C2orf42: variants seen among roughly 807,000 people sequenced by gnomAD.
The protein encoded by C2orf42 is uncharacterized protein C2orf42.
A neutral mutation model predicts 58.9 loss-of-function variants in C2orf42; 44 were observed. The observed-to-expected ratio is 0.75, with a 90% CI of 0.59 to 0.96. The LOEUF (loss-of-function observed/expected upper bound fraction) is 0.96. Among genes scored for constraint, C2orf42 ranks in the 40% least tolerant of loss-of-function variants. The probability of loss-of-function intolerance (pLI) is 0.00; values close to 1 mark genes in which losing one functional copy is unlikely to be tolerated. For missense variants in C2orf42, 630 were observed against 699.2 expected, an observed-to-expected ratio of 0.90 and a Z score of 1.12; for synonymous variants, 239 against 265.4, an observed-to-expected ratio of 0.90 and a Z score of 0.97.
In C2orf42 at chr2:70,153,917, G is replaced by T. The variant is rs1285204659; in HGVS notation, c.1517-3353C>A. Among the ~76,000 whole-genome samples the T allele has an allele frequency of 2.6e-5, 4 of 151,480 alleles. No homozygotes were observed. The East Asian group carries it at 8.0e-4, about 30-fold the overall frequency. The stretch of plus-strand genomic sequence containing the variant: ...TACTAAAAATACAAAAATTAGCTGG[G>T]CGTGGTGGCGGGCTAATCCCAGCTA... On this transcript the variant is annotated intron_variant, in intron 9 of 9. Transcript: ENST00000264434.
intron 4 of C2orf42, 136 bp from the exon 5 acceptor site, chr2:70,175,913 C>CATT: frequency 1.6e-6 from 1 of 640,290 alleles, no homozygotes; most frequent in Non-Finnish European, 2.8e-6. Context: ...TAGGAGTTAG[C>CATT]ATTAGTCTTT....
intron 6 of C2orf42, among the ~76,000 whole-genome samples, chr2:70,165,948 T>C (rs1673371118): frequency 6.6e-6 from 1 of 151,674 alleles, no homozygotes; most frequent in African/African-American, 2.4e-5. Flanking sequence ...TGGAGTGCAA[T>C]GGCATGATCT....
At chr2:70,171,076 C>G (rs909635851) in intron 5 of C2orf42, among the ~76,000 whole-genome samples, 1 of 151,924 alleles carries the variant, frequency 6.6e-6, no homozygotes, top group Admixed American at 6.6e-5. Context: ...GATTGTGCCA[C>G]TGCACTCCAG....
intron 1 of C2orf42, among the ~76,000 whole-genome samples, chr2:70,190,001 T>C (rs972434210): frequency 6.6e-6 from 1 of 151,674 alleles, no homozygotes; most frequent in Admixed American, 6.6e-5. Context: ...ACACATACAA[T>C]GTCTATTGCA....
intron 3 of C2orf42, among the ~76,000 whole-genome samples, chr2:70,180,025 C>T (rs138217220): frequency 0.025 from 3,807 of 152,268 alleles, 352 homozygotes; most frequent in Admixed American, 0.17. Flanking sequence ...GGTGCGGTGG[C>T]TCACGTCTGT....
chr2:70,187,457 T>C (rs915688252), intron 1 of C2orf42, among the ~76,000 whole-genome samples: 2 of 151,946 alleles, frequency 1.3e-5, no homozygotes, highest in Non-Finnish European at 2.9e-5. Context: ...TTCACCATGT[T>C]GGCCAGGCTG....
chr2:70,168,076 T>C (rs1673526274), intron 6 of C2orf42, among the ~76,000 whole-genome samples: 1 of 151,426 alleles, frequency 6.6e-6, no homozygotes, highest in Non-Finnish European at 1.5e-5. Flanking sequence ...CTACTAAAAA[T>C]ACAAAAAATT....
intron 3 of C2orf42, among the ~76,000 whole-genome samples, chr2:70,179,917 C>T (rs189103322): frequency 1.7e-3 from 251 of 151,490 alleles, no homozygotes; most frequent in African/African-American, 5.4e-3. Context: ...CCAGCCTGGG[C>T]GACAGAGGCA....
At chr2:70,184,318 C>A (rs1323346230) in intron 1 of C2orf42, among the ~76,000 whole-genome samples, 1 of 151,976 alleles carries the variant, frequency 6.6e-6, no homozygotes, top group East Asian at 1.9e-4. Flanking sequence ...CCTCCGCCTC[C>A]CGGGCTCAAG....
chr2:70,174,050 G>A (rs1039532695), intron 5 of C2orf42, among the ~76,000 whole-genome samples: 1 of 152,136 alleles, frequency 6.6e-6, no homozygotes, highest in African/African-American at 2.4e-5. Flanking sequence ...GCTCACACCT[G>A]TAATCTCAGT....
chr2:70,150,413 C>T lies in C2orf42; in HGVS notation c.1668G>A (p.Arg556=). ...GTTCCAAGGGCTGGTCCAAGGGGGGCCGCTGGTCTTGGTACTCCGCCACAT... is the reference window on the plus strand; with the variant it reads ...GTTCCAAGGGCTGGTCCAAGGGGGGTCGCTGGTCTTGGTACTCCGCCACAT... The part of the protein sequence containing the change: ...NGHVAEYQDQ[R]PPLDQPLELA... Residue 556 remains arginine (R), a synonymous_variant, in exon 10 of 10, where the codon CGG becomes CGA. Transcript: ENST00000264434. 1 of 1,614,100 alleles carries T rather than the reference C, an allele frequency of 6.2e-7. No individual in the cohort carries two copies.
Position 70,181,328 on chromosome 2 carries a change from G to A in C2orf42, c.658C>T (p.Arg220Cys), listed in dbSNP as rs781199379. The A allele has an allele frequency of 1.9e-5, 31 of 1,613,964 alleles. No individual in the cohort carries two copies. Among genetic ancestry groups the A allele is most frequent in the Non-Finnish European group, 2.5e-5 (29 of 1,179,938 alleles). ...GTCTGACAGGAGCAGAAGAAGCGGCGCTCAGGCAAGCTTTTGCCACTGACT... is the reference window on the plus strand; with the variant it reads ...GTCTGACAGGAGCAGAAGAAGCGGCACTCAGGCAAGCTTTTGCCACTGACT... ...QKVSGKSLPE[R>C]RFFCSCQTLK... is the part of the protein sequence containing the mutation. Residue 220 changes from arginine to cysteine, a missense_variant, in exon 3 of 10, where the codon CGC becomes TGC. By Grantham distance (180) the Arg-to-Cys change is radical. Coordinates refer to ENST00000264434, the MANE Select transcript of C2orf42 (RefSeq NM_017880.3).
chr2:70,184,766 C>A (rs1674816239), intron 1 of C2orf42, among the ~76,000 whole-genome samples: 1 of 151,678 alleles, frequency 6.6e-6, no homozygotes, highest in Admixed American at 6.6e-5. Flanking sequence ...CAGGTGTGAG[C>A]CACCATGCCC....
Position 70,181,552 on chromosome 2 carries a change from T to G in C2orf42, c.434A>C (p.Glu145Ala). 6.2e-7 allele frequency: 1 copy of G among 1,613,950 alleles called. No homozygotes were observed. Among genetic ancestry groups the G allele is most frequent in the Non-Finnish European group, 8.5e-7 (1 of 1,180,018 alleles). Reference protein sequence around the residue: ...HIKLAVNCQAEATPLTLKSSV... With the variant: ...HIKLAVNCQAAATPLTLKSSV... Reference sequence around the variant, plus strand: ...GCTCTTCAGGGTCAGAGGGGTGGCCTCTGCCTGGCAGTTCACCGCCAGCTT... The same window carrying G: ...GCTCTTCAGGGTCAGAGGGGTGGCCGCTGCCTGGCAGTTCACCGCCAGCTT... The change falls in exon 3 of 10, where the codon GAG becomes GCG. Residue 145 changes from glutamate to alanine, a missense_variant. Coordinates refer to ENST00000264434, the MANE Select transcript of C2orf42 (RefSeq NM_017880.3).
At position 70,181,501 on chromosome 2, in the gene C2orf42, G is replaced by T; in HGVS notation, c.485C>A (p.Ser162Tyr). 1.2e-6 allele frequency: 2 copies of T among 1,613,540 alleles called. No homozygotes were observed. Among genetic ancestry groups the T allele is most frequent in the Non-Finnish European group, 1.7e-6 (2 of 1,180,008 alleles). ...CCAGATGGTCTGTTTGGTTTCCGGG[G>T]AGGCCTGCATTGCATTCAGGACCGA... Reference protein sequence around the residue: ...KSSVLNAMQASPETKQTIWQL... With the variant: ...KSSVLNAMQAYPETKQTIWQL... Residue 162 changes from serine to tyrosine, a missense_variant, in exon 3 of 10, where the codon TCC becomes TAC. Ser to Tyr is a moderately radical substitution (Grantham distance 144). Coordinates refer to ENST00000264434, the MANE Select transcript of C2orf42 (RefSeq NM_017880.3).
intron 9 of C2orf42, among the ~76,000 whole-genome samples, chr2:70,154,894 CACAG>C: frequency 6.6e-6 from 1 of 151,996 alleles, no homozygotes; most frequent in African/African-American, 2.4e-5. Flanking sequence ...TAGCTGGGAC[CACAG>C]GCATGTACCA....
At chr2:70,163,538 C>T (rs1326534119) in intron 8 of C2orf42, among the ~76,000 whole-genome samples, 1 of 152,064 alleles carries the variant, frequency 6.6e-6, no homozygotes, top group South Asian at 2.1e-4. Flanking sequence ...AGCCACCGCA[C>T]CCAGCCCGAA....
At position 70,150,478 on chromosome 2, in the gene C2orf42, G is replaced by A. The variant is rs372937713; in HGVS notation, c.1603C>T (p.Leu535=). The A allele has an allele frequency of 1.7e-5, 28 of 1,613,898 alleles. No individual in the cohort carries two copies. In the African/African-American group the frequency reaches 3.5e-4, roughly 20 times the overall value. ...DILPQSKIGE[L]RIKFEYGHHR... ...TGGCCATACTCAAACTTGATCCGCA[G>A]CTCGCCAATCTTAGATTGGGGAAGG... The change falls in exon 10 of 10, where the codon CTG becomes TTG. Residue 535 remains leucine (L), a synonymous_variant. Transcript: ENST00000264434.
intron 1 of C2orf42, among the ~76,000 whole-genome samples, chr2:70,183,167 G>A (rs1674689704): frequency 6.6e-6 from 1 of 152,122 alleles, no homozygotes; most frequent in African/African-American, 2.4e-5. Flanking sequence ...GTCTGGCATG[G>A]TGGCTCACTC....
Sources: gnomAD v4.1 joint callset for allele counts (sites outside exome capture counted in the v4.1 genomes callset) on GRCh38, gnomAD v4.1.1 for gene constraint, MANE v1.5 for transcripts, NCBI Gene and HGNC (gene_info 2026-07-23, HGNC 2026-07-21) for gene names.